Variants in SLC41A1 observed in about 807,000 individuals in gnomAD.
The protein encoded by SLC41A1 is solute carrier family 41 member 1.
In SLC41A1, 20 loss-of-function variants were observed where a neutral mutation model predicts 47.3. The observed-to-expected ratio is 0.42, with a 90% CI of 0.30 to 0.61. The LOEUF is 0.61. Among genes scored for constraint, SLC41A1 ranks in the 20% least tolerant of loss-of-function variants. SLC41A1 has a pLI of 0.17. For missense variants in SLC41A1, 504 were observed against 674.1 expected (o/e 0.75, Z 2.79); for synonymous variants, 282 against 272.7 (o/e 1.03, Z -0.34).
chr1:205,798,586 G>T lies in SLC41A1; in HGVS notation c.844+83C>A, dbSNP rs192475225. The T allele has an allele frequency of 7.1e-4, 1,134 of 1,588,798 alleles. 2 individuals are homozygous for T. Among genetic ancestry groups the T allele is most frequent in the Middle Eastern group, 6.3e-3 (38 of 6,008 alleles). On this transcript the variant is annotated intron_variant, in intron 6 of 10. Coordinates refer to ENST00000367137, the MANE Select transcript of SLC41A1 (RefSeq NM_173854.6). The stretch of plus-strand genomic sequence containing the variant: ...AACCAAATAGTTTAAGAACACAGAA[G>T]AAACTCTTGCACATTTGCAAACTAC...
chr1:205,806,897 G>A (rs956505432), intron 2 of SLC41A1, among the ~76,000 whole-genome samples: 2 of 151,606 alleles, frequency 1.3e-5, no homozygotes, highest in South Asian at 2.1e-4. Flanking sequence ...TTTGCATCTC[G>A]TTGGTGAAAA....
intron 1 of SLC41A1, among the ~76,000 whole-genome samples, 195 bp from the exon 2 acceptor site, chr1:205,811,282 C>T (rs1245588722): frequency 1.3e-5 from 2 of 152,176 alleles, no homozygotes; most frequent in Non-Finnish European, 2.9e-5. Flanking sequence ...GAGCTATCCC[C>T]GCCATCCTCC....
rs752373135 is a variant in SLC41A1, at chr1:205,798,792, T to C, written c.721A>G (p.Ile241Val). The change falls in exon 6 of 11, where the codon ATT (isoleucine) becomes GTT (valine). Residue 241 changes from isoleucine (I) to valine (V), a missense_variant. By Grantham distance (29) the Ile-to-Val change is conservative. Coordinates refer to ENST00000367137, the MANE Select transcript of SLC41A1 (RefSeq NM_173854.6). ...TTGATCCCAATCTTGCGAGAGCCAATGATGACTCCAATCATGATCATACCT... is the reference window on the plus strand; with the variant it reads ...TTGATCCCAATCTTGCGAGAGCCAACGATGACTCCAATCATGATCATACCT... ...VLGMIMIGVIIGSRKIGINPD... is the reference protein window; with the variant it reads ...VLGMIMIGVIVGSRKIGINPD... The C allele has an allele frequency of 1.9e-6, 3 of 1,613,954 alleles. No individual in the cohort carries two copies. The highest frequency in any genetic ancestry group is 2.7e-5 in the African/African-American group (2 of 74,870).
intron 7 of SLC41A1, 59 bp from the exon 8 acceptor site, chr1:205,797,062 C>T: frequency 2.0e-6 from 3 of 1,504,298 alleles, no homozygotes; most frequent in Non-Finnish European, 1.8e-6. Context: ...GCCTTAGTCT[C>T]TGGGATGAGA....
At chr1:205,804,399 C>G (rs919573314) in intron 2 of SLC41A1, among the ~76,000 whole-genome samples, 2 of 152,128 alleles carry the variant, frequency 1.3e-5, no homozygotes, top group African/African-American at 4.8e-5. Flanking sequence ...ACCGTAGGGA[C>G]TAACAATGGG....
chr1:205,791,058 T>C lies in SLC41A1; in HGVS notation c.*475A>G, dbSNP rs1188143271. The C allele has an allele frequency of 4.3e-6, 1 of 231,630 alleles. No homozygotes were observed. The highest frequency in any genetic ancestry group is 2.3e-5 in the African/African-American group (1 of 43,344). 14.3% of individuals were successfully genotyped at this position (231,630 alleles called of 1,614,324 possible). A position where few individuals can be genotyped will look rare whatever the true frequency, so the allele number is the denominator to read the frequency against. ...TGAAGTTGGTCCACTTCTACAAAAG[T>C]ATGTCTGTGTTTGGGAGTGTTACTT... On this transcript the variant is annotated 3_prime_UTR_variant, in exon 11 of 11. Transcript: ENST00000367137. This position sits in a 1 kb window ranked among gnomAD's most constrained non-coding sequence, Gnocchi z 4.0.
rs368907314 is a variant in SLC41A1 at position 205,801,075 on chromosome 1, C to G, written c.373-15G>C. ...ACTTCCCAGTGCTACGAGGTGAAAA[C>G]AGAACCCAGGAATTTCAGTGCCCCA... On this transcript the variant is annotated splice_polypyrimidine_tract_variant and intron_variant, in intron 2 of 10. Coordinates refer to ENST00000367137, the MANE Select transcript of SLC41A1 (RefSeq NM_173854.6). The G allele has an allele frequency of 3.1e-6, 5 of 1,610,022 alleles. No individual in the cohort carries two copies. The African/African-American group carries it at 5.3e-5, about 17-fold the overall frequency.
At chr1:205,797,089 T>G in intron 7 of SLC41A1, 86 bp from the exon 8 acceptor site, 1 of 1,193,994 alleles carries the variant, frequency 8.4e-7, no homozygotes, top group African/African-American at 1.5e-5. Flanking sequence ...GGCCCACCTA[T>G]CCTTGGAGAT....
chr1:205,802,270 C>A (rs987698763), intron 2 of SLC41A1, among the ~76,000 whole-genome samples: 3 of 152,228 alleles, frequency 2.0e-5, no homozygotes, highest in Middle Eastern at 3.4e-3. Flanking sequence ...GCAGGGATGG[C>A]CCCCTGCTTA....
At chr1:205,799,226 G>T in intron 4 of SLC41A1, 125 bp from the exon 5 acceptor site, 1 of 1,264,684 alleles carries the variant, frequency 7.9e-7, no homozygotes, top group Non-Finnish European at 1.1e-6. Context: ...TGGACTGCAT[G>T]GTCCAGTCCT....
intron 6 of SLC41A1, 79 bp downstream of exon 6, chr1:205,798,590 C>A: frequency 6.3e-7 from 1 of 1,596,576 alleles, no homozygotes; most frequent in Non-Finnish European, 8.6e-7. Context: ...ACAGAAGAAA[C>A]TCTTGCACAT....
intron 9 of SLC41A1, 26 bp downstream of exon 9, chr1:205,795,318 C>A: frequency 1.2e-6 from 2 of 1,614,170 alleles, no homozygotes; most frequent in Admixed American, 1.7e-5. Context: ...CCCCCCAGGG[C>A]TGGGAGGCTG....
In SLC41A1 at chr1:205,795,288, T is replaced by A. The variant is rs570593655; in HGVS notation, c.1207+56A>T. 5.6e-6 allele frequency: 9 copies of A among 1,613,256 alleles called. No individual in the cohort carries two copies. The African/African-American group carries it at 8.0e-5, about 14-fold the overall frequency. ...GCCCCAGCTGTCTCTTAAGTGAAGC[T>A]CACTGACAGTAGGCCCACTCCCCCC... On this transcript the variant is annotated intron_variant, in intron 9 of 10. Transcript: ENST00000367137.
chr1:205,807,789 T>C (rs1042390338), intron 2 of SLC41A1, among the ~76,000 whole-genome samples: 1 of 151,106 alleles, frequency 6.6e-6, no homozygotes, highest in Non-Finnish European at 1.5e-5. Flanking sequence ...CTCAAAGTGC[T>C]GGAATTATAC....
intron 2 of SLC41A1, among the ~76,000 whole-genome samples, chr1:205,807,486 A>T (rs903902866): frequency 1.3e-5 from 2 of 152,076 alleles, no homozygotes; most frequent in Non-Finnish European, 2.9e-5. Context: ...TTGGAATCTA[A>T]GTGTGTGGGA....
At chr1:205,794,145 C>T (rs1212985884) in intron 10 of SLC41A1, among the ~76,000 whole-genome samples, 2 of 74,448 alleles carry the variant, frequency 2.7e-5, no homozygotes, top group East Asian at 4.9e-4. Context: ...CGAACACACA[C>T]GCACACACAC....
In SLC41A1 at chr1:205,810,426, C is replaced by T. The variant is rs765275942; in HGVS notation, c.16G>A (p.Glu6Lys). Residue 6 changes from glutamate to lysine, a missense_variant, in exon 2 of 11, where the codon GAG becomes AAG. By Grantham distance (56) the Glu-to-Lys change is moderately conservative (BLOSUM62 1). Transcript: ENST00000367137. This position sits in a 1 kb window ranked among gnomAD's most constrained non-coding sequence, Gnocchi z 5.5. MSSKP[E>K]PKDVHQLNGT... ...TTCAGTTGGTGGACGTCCTTCGGCTCTGGCTTAGAGGACATGACAGGCACG... is the reference window on the plus strand; with the variant it reads ...TTCAGTTGGTGGACGTCCTTCGGCTTTGGCTTAGAGGACATGACAGGCACG... The T allele has an allele frequency of 6.2e-6, 10 of 1,614,234 alleles. No individual in the cohort carries two copies. In the Admixed American group the frequency reaches 1.7e-4, roughly 27 times the overall value.
intron 2 of SLC41A1, among the ~76,000 whole-genome samples, chr1:205,802,696 C>T (rs1655913385): frequency 1.6e-5 from 2 of 128,230 alleles, no homozygotes; most frequent in South Asian, 5.2e-4. Context: ...CCAGCCTGGG[C>T]AATAAGAGTG....
chr1:205,812,263 A>C (rs1656173700), intron 1 of SLC41A1, among the ~76,000 whole-genome samples: 1 of 152,240 alleles, frequency 6.6e-6, no homozygotes, highest in Non-Finnish European at 1.5e-5. Flanking sequence ...AGTTCAGTTT[A>C]GGAAAGGAGG....
Sources: allele counts gnomAD v4.1 joint callset (sites outside exome capture counted in the v4.1 genomes callset), GRCh38; gene constraint gnomAD v4.1.1; non-coding constraint Gnocchi (gnomAD v3.1); transcripts MANE v1.5; gene names NCBI Gene and HGNC (gene_info 2026-07-23, HGNC 2026-07-21).